Variants in BMPER observed in about 807,000 individuals in gnomAD.
BMPER encodes the protein BMP binding endothelial regulator, also known as BMP-binding endothelial regulator protein.
In BMPER, 45 loss-of-function variants were observed where a neutral mutation model predicts 87.3. The ratio of observed to expected loss-of-function variants is 0.52; its 90% CI spans 0.41 to 0.66. The LOEUF is 0.66. Among genes scored for constraint, BMPER ranks in the 30% least tolerant of loss-of-function variants. BMPER has a pLI of 0.00. For missense variants in BMPER, 784 were observed against 867.5 expected (o/e 0.90, Z 1.21); for synonymous variants, 326 against 316.2 (o/e 1.03, Z -0.33).
At chr7:34,057,264 C>G (rs895834102) in intron 9 of BMPER, among the ~76,000 whole-genome samples, 1 of 152,172 alleles carries the variant, frequency 6.6e-6, no homozygotes, top group East Asian at 1.9e-4. Flanking sequence ...TACCCACAAG[C>G]AAGGATGCAC....
intron 11 of BMPER, among the ~76,000 whole-genome samples, chr7:34,072,734 G>A (rs1270074567): frequency 6.6e-6 from 1 of 152,062 alleles, no homozygotes; most frequent in Non-Finnish European, 1.5e-5. Context: ...CATGTTTGGG[G>A]GTCCATTATT....
intron 8 of BMPER, among the ~76,000 whole-genome samples, chr7:34,052,354 T>C (rs1445087955): frequency 6.6e-6 from 1 of 152,222 alleles, no homozygotes; most frequent in Non-Finnish European, 1.5e-5. Context: ...AAGGCATGGA[T>C]TTACAGTTCA....
chr7:34,151,104 C>T (rs12534765), intron 14 of BMPER, among the ~76,000 whole-genome samples: 91,003 of 151,854 alleles, frequency 0.6, 27,654 homozygotes, highest in East Asian at 0.78. Context: ...CTGGAGTCCA[C>T]CATGCATGAG....
At chr7:34,113,784 G>A (rs1022490378) in intron 13 of BMPER, among the ~76,000 whole-genome samples, 2 of 152,136 alleles carry the variant, frequency 1.3e-5, no homozygotes, top group African/African-American at 2.4e-5. Flanking sequence ...AGTTATCTTC[G>A]CAACATGGCC....
At position 34,007,850 on chromosome 7, in the gene BMPER, T is replaced by C. The variant is rs183669351; in HGVS notation, c.576+33066T>C. On this transcript the variant is annotated intron_variant, in intron 6 of 14. Coordinates refer to ENST00000649409, the MANE Select transcript of BMPER (RefSeq NM_001365308.1). ...TAGAGTTATTGGATCAAAGAGCACATGTATGTTAATTGTTTTAGGGTACTG... is the reference window on the plus strand; with the variant it reads ...TAGAGTTATTGGATCAAAGAGCACACGTATGTTAATTGTTTTAGGGTACTG... Among the ~76,000 whole-genome samples, 3 of 152,058 alleles carry C rather than the reference T, an allele frequency of 2.0e-5. No individual in the cohort carries two copies. In the East Asian group the frequency reaches 5.8e-4, roughly 30 times the overall value.
At chr7:34,070,824 T>TTTC (rs1170329691) in intron 11 of BMPER, among the ~76,000 whole-genome samples, 4 of 151,400 alleles carry the variant, frequency 2.6e-5, no homozygotes, top group African/African-American at 9.7e-5. Flanking sequence ...AGCTTTTTTT[T>TTTC]TTTTTTTTTT....
intron 6 of BMPER, among the ~76,000 whole-genome samples, chr7:34,034,135 G>A (rs539685710): frequency 5.9e-5 from 9 of 152,192 alleles, no homozygotes; most frequent in South Asian, 2.1e-4. Flanking sequence ...CCCTTCTGGC[G>A]TCTCAGCATG....
At chr7:34,083,926 T>C (rs965209066) in intron 12 of BMPER, among the ~76,000 whole-genome samples, 1 of 151,054 alleles carries the variant, frequency 6.6e-6, no homozygotes, top group Non-Finnish European at 1.5e-5. Context: ...AGGAGGAAAG[T>C]CATTTTGCTC....
At chr7:34,133,465 C>T (rs1382467210) in intron 13 of BMPER, among the ~76,000 whole-genome samples, 1 of 152,204 alleles carries the variant, frequency 6.6e-6, no homozygotes, top group Non-Finnish European at 1.5e-5. Context: ...CCTACACCCT[C>T]ACCCTGTGCA....
rs533831811 is a variant in BMPER, at chr7:34,069,605, T to G, written c.1078+7558T>G. 7.2e-5 allele frequency among the ~76,000 whole-genome samples: 11 copies of G among 152,362 alleles called. No homozygotes were observed. The South Asian group carries it at 1.9e-3, about 26-fold the overall frequency. On this transcript the variant is annotated intron_variant, in intron 11 of 14. Transcript: ENST00000649409. ...CGAGACTCCAAAGCCCAAACTTTTA[T>G]GCACTATTCTCTGTTCTCTATTGAC...
At chr7:34,096,067 G>C (rs1355835351) in intron 13 of BMPER, among the ~76,000 whole-genome samples, 5 of 152,174 alleles carry the variant, frequency 3.3e-5, no homozygotes, top group African/African-American at 4.8e-5. Flanking sequence ...GCAAGGCCTA[G>C]TGGCTCTTGT....
intron 3 of BMPER, 92 bp downstream of exon 3, chr7:33,937,480 G>C: frequency 8.9e-6 from 12 of 1,341,944 alleles, no homozygotes; most frequent in Non-Finnish European, 1.3e-5. Flanking sequence ...TCAGCTTTTG[G>C]CTGGGGTGCA....
intron 13 of BMPER, among the ~76,000 whole-genome samples, chr7:34,104,853 G>A (rs1789778774): frequency 6.6e-6 from 1 of 152,184 alleles, no homozygotes; most frequent in African/African-American, 2.4e-5. Context: ...TGACAGATGG[G>A]TGTGAAATGT....
chr7:33,969,811 G>A (rs1413970849), intron 4 of BMPER, among the ~76,000 whole-genome samples: 1 of 152,166 alleles, frequency 6.6e-6, no homozygotes, highest in African/African-American at 2.4e-5. Flanking sequence ...TGAGACCCAG[G>A]CTCTGTGTGA....
intron 6 of BMPER, among the ~76,000 whole-genome samples, chr7:33,978,962 C>G (rs1008330313): frequency 1.3e-5 from 2 of 152,044 alleles, no homozygotes; most frequent in Non-Finnish European, 2.9e-5. Flanking sequence ...TCGTTTAAGT[C>G]AAAATATCAT....
chr7:34,097,605 G>T (rs955382914), intron 13 of BMPER, among the ~76,000 whole-genome samples: 2 of 152,182 alleles, frequency 1.3e-5, no homozygotes, highest in Non-Finnish European at 2.9e-5. Flanking sequence ...AGCTGATTCA[G>T]TGGGTCTAGG....
chr7:34,112,857 TTATC>T (rs1196589969), intron 13 of BMPER, among the ~76,000 whole-genome samples: 2 of 152,054 alleles, frequency 1.3e-5, no homozygotes, highest in African/African-American at 4.8e-5. Flanking sequence ...ACAACATAGT[TTATC>T]TAATCATTTT....
intron 6 of BMPER, among the ~76,000 whole-genome samples, chr7:34,029,365 G>A (rs1279604732): frequency 6.6e-6 from 1 of 152,086 alleles, no homozygotes; most frequent in Non-Finnish European, 1.5e-5. Flanking sequence ...AGAGATGGGA[G>A]TGAAATTCAT....
intron 10 of BMPER, among the ~76,000 whole-genome samples, chr7:34,058,533 A>G (rs1351423873): frequency 3.3e-5 from 5 of 152,130 alleles, no homozygotes; most frequent in South Asian, 2.1e-4. Flanking sequence ...CTTTCCTCTT[A>G]TAGCCATTCA....
Sources: allele counts gnomAD v4.1 joint callset (sites outside exome capture counted in the v4.1 genomes callset), GRCh38; gene constraint gnomAD v4.1.1; transcripts MANE v1.5; gene names NCBI Gene and HGNC (gene_info 2026-07-23, HGNC 2026-07-21).